FBXL20: variants seen among roughly 807,000 people sequenced by gnomAD.
FBXL20 encodes F-box/LRR-repeat protein 20.
In FBXL20, 11 loss-of-function variants were observed where a neutral mutation model predicts 64.0. That is an observed-to-expected ratio of 0.17 (90% confidence interval 0.11 to 0.28). The LOEUF is 0.28. FBXL20 is among the 10% of genes least tolerant of loss of function. The probability of loss-of-function intolerance (pLI) is 1.00; values close to 1 mark genes in which losing one functional copy is unlikely to be tolerated. For missense variants in FBXL20, 303 were observed against 526.2 expected (o/e 0.58, Z 4.15); for synonymous variants, 184 against 189.0 (o/e 0.97, Z 0.22).
In FBXL20 at chr17:39,392,059, C is replaced by T. The variant is rs147547252; in HGVS notation, c.42+9302G>A. On this transcript the variant is annotated intron_variant, in intron 1 of 14. Coordinates refer to ENST00000264658, the MANE Select transcript of FBXL20 (RefSeq NM_032875.3). ...GGCTGAGGCAGGAGAATCGCATGAACGCAGGAGGTGGAGGCTACAGTGAGT... is the reference window on the plus strand; with the variant it reads ...GGCTGAGGCAGGAGAATCGCATGAATGCAGGAGGTGGAGGCTACAGTGAGT... Among the ~76,000 whole-genome samples the T allele has an allele frequency of 2.7e-4, 41 of 152,140 alleles. 1 individual carries two copies. In the East Asian group the frequency reaches 7.0e-3, roughly 26 times the overall value.
chr17:39,285,651 T>C (rs1234891459), intron 6 of FBXL20, 78 bp from the exon 7 acceptor site: 2 of 881,664 alleles, frequency 2.3e-6, no homozygotes, highest in Admixed American at 2.6e-5. Flanking sequence ...ACTGTTCTTA[T>C]TAAACACATG....
intron 2 of FBXL20, among the ~76,000 whole-genome samples, chr17:39,330,470 C>T (rs561719452): frequency 1.3e-5 from 2 of 151,858 alleles, no homozygotes; most frequent in South Asian, 4.2e-4. Flanking sequence ...AAAAATTAGC[C>T]GGACATAGTG....
intron 7 of FBXL20, among the ~76,000 whole-genome samples, chr17:39,284,155 C>T (rs2046969915): frequency 6.6e-6 from 1 of 152,188 alleles, no homozygotes; most frequent in African/African-American, 2.4e-5. Flanking sequence ...TGGCAGTCAA[C>T]AGCTTTCTAG....
At chr17:39,319,824 C>T (rs961606036) in intron 2 of FBXL20, among the ~76,000 whole-genome samples, 1 of 151,678 alleles carries the variant, frequency 6.6e-6, no homozygotes, top group African/African-American at 2.4e-5. Flanking sequence ...GTTGCCCAGG[C>T]TGCTCTCGAA....
At chr17:39,289,998 C>CAGA (rs2047023610) in intron 6 of FBXL20, among the ~76,000 whole-genome samples, 1 of 41,840 alleles carries the variant, frequency 2.4e-5, no homozygotes. Flanking sequence ...GACTCAGTCT[C>CAGA]AAAAAAAAAA....
chr17:39,377,394 C>CG (rs1404302344), intron 1 of FBXL20, among the ~76,000 whole-genome samples: 2 of 152,108 alleles, frequency 1.3e-5, no homozygotes, highest in Admixed American at 1.3e-4. Flanking sequence ...CCCAAATGCT[C>CG]GGGGGTGGGG....
chr17:39,377,014 G>T (rs776624525), intron 1 of FBXL20, among the ~76,000 whole-genome samples: 2 of 152,256 alleles, frequency 1.3e-5, no homozygotes, highest in African/African-American at 4.8e-5. Flanking sequence ...AACAAAGACC[G>T]TAACAGCCCT....
intron 2 of FBXL20, among the ~76,000 whole-genome samples, chr17:39,338,353 G>A (rs1167962980): frequency 6.6e-6 from 1 of 152,146 alleles, no homozygotes; most frequent in Admixed American, 6.6e-5. Context: ...CTCATTAAGA[G>A]TCATCACCAC....
intron 1 of FBXL20, among the ~76,000 whole-genome samples, chr17:39,348,491 T>C (rs1281585319): frequency 1.3e-5 from 2 of 151,834 alleles, no homozygotes; most frequent in Admixed American, 6.6e-5. Context: ...GGAGTCTCAG[T>C]ATGTTGACCA....
At chr17:39,306,409 G>C (rs1454047673) in intron 2 of FBXL20, among the ~76,000 whole-genome samples, 3 of 152,006 alleles carry the variant, frequency 2.0e-5, no homozygotes, top group African/African-American at 7.2e-5. Context: ...AGAAATCACT[G>C]CTAAACTCAA....
At chr17:39,316,610 G>C (rs1053524152) in intron 2 of FBXL20, among the ~76,000 whole-genome samples, 1 of 152,178 alleles carries the variant, frequency 6.6e-6, no homozygotes, top group Non-Finnish European at 1.5e-5. Context: ...GAAAACAAAC[G>C]AGAGCAATGA....
intron 1 of FBXL20, among the ~76,000 whole-genome samples, chr17:39,363,810 C>CAAAAAAAAAAAAAAAAAAAAAAAAA (rs71372113): frequency 3.7e-5 from 1 of 26,674 alleles, no homozygotes; most frequent in Non-Finnish European, 6.3e-5. Context: ...GACTTTATCT[C>CAAAAAAAAAAAAAAAAAAAAAAAAA]AAAAAAAAAA....
At chr17:39,389,930 G>A (rs2048119336) in intron 1 of FBXL20, among the ~76,000 whole-genome samples, 1 of 152,158 alleles carries the variant, frequency 6.6e-6, no homozygotes, top group Admixed American at 6.6e-5. Flanking sequence ...GGGGGCGGAG[G>A]TAGGGTGCGG....
chr17:39,279,748 A>C (rs1270082643), intron 9 of FBXL20, among the ~76,000 whole-genome samples: 2 of 152,054 alleles, frequency 1.3e-5, no homozygotes, highest in Non-Finnish European at 2.9e-5. Context: ...AAATACAAAA[A>C]TTAGCTGAGT....
At chr17:39,376,476 A>G (rs1567902171) in intron 1 of FBXL20, among the ~76,000 whole-genome samples, 1 of 152,206 alleles carries the variant, frequency 6.6e-6, no homozygotes, top group Non-Finnish European at 1.5e-5. Flanking sequence ...AGAAGGCCAC[A>G]TGCATGCCCA....
chr17:39,364,262 G>A (rs2047835866), intron 1 of FBXL20, among the ~76,000 whole-genome samples: 1 of 152,118 alleles, frequency 6.6e-6, no homozygotes, highest in Admixed American at 6.6e-5. Flanking sequence ...TCAAAAGATG[G>A]GGTTTATTTT....
At position 39,260,135 on chromosome 17, in the gene FBXL20, A is replaced by G. The variant is rs548940972; in HGVS notation, c.*1325T>C. The stretch of plus-strand genomic sequence containing the variant: ...CCAGCTGTTATAGAGCCATTCTTGT[A>G]TCCCTGAAAGGCTGAAATGGGGGAA... On this transcript the variant is annotated 3_prime_UTR_variant, in exon 15 of 15. Transcript: ENST00000264658. 4.6e-5 allele frequency: 7 copies of G among 152,262 alleles called. No individual in the cohort carries two copies. The highest frequency in any genetic ancestry group is 1.9e-4 in the East Asian group (1 of 5,192). The allele number at this position is 152,262 out of a possible 1,614,324, so 9.4% of individuals were successfully genotyped here.
chr17:39,330,278 C>T (rs1402904370), intron 2 of FBXL20, among the ~76,000 whole-genome samples: 1 of 150,576 alleles, frequency 6.6e-6, no homozygotes, highest in African/African-American at 2.4e-5. Flanking sequence ...GCCTGGGCAA[C>T]AGAGCAAGAC....
intron 10 of FBXL20, among the ~76,000 whole-genome samples, chr17:39,274,639 C>T (rs67971355): frequency 0.1 from 15,646 of 152,096 alleles, 858 homozygotes; most frequent in African/African-American, 0.15. Flanking sequence ...TTAGGGTGGA[C>T]CTTTAAAAAC....
Sources: gnomAD v4.1 joint callset for allele counts (sites outside exome capture counted in the v4.1 genomes callset) on GRCh38, gnomAD v4.1.1 for gene constraint, MANE v1.5 for transcripts, NCBI Gene and HGNC (gene_info 2026-07-23, HGNC 2026-07-21) for gene names.